The following ALG12 variants were observed in gnomAD, a reference collection of about 807,000 sequenced individuals.
ALG12 encodes dol-P-Man:Man(7)GlcNAc(2)-PP-Dol alpha-1,6-mannosyltransferase.
A neutral mutation model predicts 46.0 loss-of-function variants in ALG12; 36 were observed. That is an observed-to-expected ratio of 0.78 (90% CI 0.60 to 1.03). ALG12 has a LOEUF of 1.03. Among genes scored for constraint, ALG12 ranks in the 50% least tolerant of loss-of-function variants. The probability of loss-of-function intolerance (pLI) is 0.00; values close to 1 mark genes in which losing one functional copy is unlikely to be tolerated. For synonymous variants in ALG12, 326 were observed against 291.6 expected (o/e 1.12, Z -1.20); for missense variants, 599 against 633.5 (o/e 0.95, Z 0.58).
the ALG12 span, among the ~76,000 whole-genome samples, chr22:49,890,877 T>C: frequency 2.0e-5 from 3 of 152,062 alleles, no homozygotes; most frequent in African/African-American, 7.2e-5. Context: ...AAAAATTAGC[T>C]GGGCGTGGTG....
At chr22:49,917,381 T>C (rs2060617731) in intron 1 of ALG12, among the ~76,000 whole-genome samples, 1 of 152,150 alleles carries the variant, frequency 6.6e-6, no homozygotes, top group South Asian at 2.1e-4. Flanking sequence ...CCGAAATTGA[T>C]CAAATCAGGC....
chr22:49,886,961 C>T, the ALG12 span: 2 of 1,614,036 alleles, frequency 1.2e-6, no homozygotes, highest in Admixed American at 1.7e-5. This position sits in a 1 kb window ranked among gnomAD's most constrained non-coding sequence, Gnocchi z 7.7. Flanking sequence ...AGCTGTGACC[C>T]GCTCACCTAC....
chr22:49,898,641 G>A (rs920436538), downstream of ALG12, among the ~76,000 whole-genome samples: 31 of 151,876 alleles, frequency 2.0e-4, no homozygotes, highest in African/African-American at 6.8e-4. Context: ...CCACTGCCTC[G>A]GCCTCCCCAA....
rs770287503 is a variant in ALG12 at position 49,909,977 on chromosome 22, A to T, written c.581T>A (p.Leu194Gln). The T allele has an allele frequency of 1.9e-6, 3 of 1,614,028 alleles. No homozygotes were observed. Among genetic ancestry groups the T allele is most frequent in the African/African-American group, 1.3e-5 (1 of 75,058 alleles). The change falls in exon 5 of 10, where the codon CTG becomes CAG. Residue 194 changes from leucine (L) to glutamine (Q), a missense_variant. Physicochemically the swap from Leu to Gln is moderately radical, Grantham distance 113. Transcript: ENST00000330817. ...TCGGTTGCCCAAGGCCAGCAGCAGC[A>T]GGAGGCCCAGGAACAGGCACAGCTC... is the stretch of plus-strand genomic sequence containing the variant. ...RVELCLFLGL[L>Q]LLLALGNRKV...
chr22:49,884,978 G>A, the ALG12 span: 28 of 1,613,588 alleles, frequency 1.7e-5, no homozygotes, highest in African/African-American at 3.6e-4. Context: ...CTGAGTCCTA[G>A]ATTGTTTGAA....
the ALG12 span, among the ~76,000 whole-genome samples, chr22:49,891,756 G>C: frequency 6.6e-6 from 1 of 152,182 alleles, no homozygotes; most frequent in Non-Finnish European, 1.5e-5. Context: ...AAGTTAGTAT[G>C]AGTTTATTTT....
intron 6 of ALG12, 70 bp downstream of exon 6, chr22:49,909,174 C>T: frequency 6.8e-7 from 1 of 1,476,622 alleles, no homozygotes. Context: ...GCTTCCACTG[C>T]CCATGGAGGC....
chr22:49,911,314 AC>A (rs2060575388), intron 3 of ALG12, among the ~76,000 whole-genome samples: 1 of 152,306 alleles, frequency 6.6e-6, no homozygotes, highest in South Asian at 2.1e-4. Flanking sequence ...GGGCAGAGAT[AC>A]CCAGGCACTG....
chr22:49,915,239 C>T (rs1430018417), intron 1 of ALG12, among the ~76,000 whole-genome samples: 4 of 152,160 alleles, frequency 2.6e-5, no homozygotes, highest in African/African-American at 7.2e-5. Flanking sequence ...CGGGCGCGGT[C>T]GCTCATTCCC....
At chr22:49,895,641 G>T (rs1220322085), downstream of ALG12, among the ~76,000 whole-genome samples, 3 of 146,940 alleles carry the variant, frequency 2.0e-5, no homozygotes, top group Admixed American at 2.0e-4. Flanking sequence ...AACAGAGCGA[G>T]ACTCCATCTC....
chr22:49,895,122 T>C, the ALG12 span, among the ~76,000 whole-genome samples: 25 of 151,082 alleles, frequency 1.7e-4, no homozygotes, highest in Non-Finnish European at 4.5e-5. Flanking sequence ...TCTTTCTATG[T>C]TAGTAAACCC....
At chr22:49,893,990 C>T in the ALG12 span, among the ~76,000 whole-genome samples, 1 of 152,194 alleles carries the variant, frequency 6.6e-6, no homozygotes, top group South Asian at 2.1e-4. Flanking sequence ...ATGATGAAAC[C>T]CCGTCTTTAC....
chr22:49,862,488 A>G, the ALG12 span, among the ~76,000 whole-genome samples: 2 of 152,146 alleles, frequency 1.3e-5, no homozygotes, highest in East Asian at 3.9e-4. Flanking sequence ...ATCAGTGTCT[A>G]GCGTAATGAG....
At chr22:49,887,348 C>G in the ALG12 span, 3 of 595,102 alleles carry the variant, frequency 5.0e-6, no homozygotes, top group East Asian at 2.9e-5. Flanking sequence ...CCTTCTCCTT[C>G]AGGCCAAGTT....
At position 49,909,876 on chromosome 22, in the gene ALG12, C is replaced by T; in HGVS notation, c.664+18G>A. Reference sequence around the variant, plus strand: ...AAAACAAAATCCAGTTAGAAGCATCCCACAGTGACTGACTTACCTAAACAG... The same window carrying T: ...AAAACAAAATCCAGTTAGAAGCATCTCACAGTGACTGACTTACCTAAACAG... On this transcript the variant is annotated intron_variant, in intron 5 of 9. Coordinates refer to ENST00000330817, the MANE Select transcript of ALG12 (RefSeq NM_024105.4). 6.2e-7 allele frequency: 1 copy of T among 1,614,020 alleles called. No individual in the cohort carries two copies. Among genetic ancestry groups the T allele is most frequent in the Non-Finnish European group, 8.5e-7 (1 of 1,179,958 alleles).
At chr22:49,890,617 G>A in the ALG12 span, among the ~76,000 whole-genome samples, 1 of 152,206 alleles carries the variant, frequency 6.6e-6, no homozygotes, top group African/African-American at 2.4e-5. Flanking sequence ...TTGATGAGAA[G>A]AATGAGCCAG....
At chr22:49,874,653 G>C in the ALG12 span, among the ~76,000 whole-genome samples, 1 of 125,072 alleles carries the variant, frequency 8.0e-6, no homozygotes, top group Non-Finnish European at 1.6e-5. Context: ...GATTACAGGC[G>C]TGAACCACCA....
In ALG12 at chr22:49,913,715, C is replaced by G. The variant is rs765238746; in HGVS notation, c.51G>C (p.Leu17=). ...CCAGGTGGACAGTGGCTACGGCCAC[C>G]AGCAGCCCCAGCAGCAGGGGCCGCC... ...SGRRPLLLGL[L]VAVATVHLVI... is the part of the protein sequence containing the mutation. Residue 17 remains leucine (L), a synonymous_variant, in exon 2 of 10, where the codon CTG becomes CTC. Transcript: ENST00000330817. 2.6e-5 allele frequency: 42 copies of G among 1,613,222 alleles called. No homozygotes were observed. Among genetic ancestry groups the G allele is most frequent in the Non-Finnish European group, 3.6e-5 (42 of 1,180,028 alleles).
chr22:49,909,108 A>G, intron 6 of ALG12, 136 bp downstream of exon 6: 1 of 916,612 alleles, frequency 1.1e-6, no homozygotes, highest in Non-Finnish European at 1.8e-6. Flanking sequence ...AGCAAGTGGG[A>G]GGGAGGGGCT....
Sources: gnomAD v4.1 joint callset for allele counts (sites outside exome capture counted in the v4.1 genomes callset) on GRCh38, gnomAD v4.1.1 for gene constraint, Gnocchi (gnomAD v3.1) non-coding constraint, MANE v1.5 for transcripts, NCBI Gene and HGNC (gene_info 2026-07-23, HGNC 2026-07-21) for gene names.